The following PITPNC1 variants were observed in gnomAD, a reference collection of about 807,000 sequenced individuals.
The protein encoded by PITPNC1 is cytoplasmic phosphatidylinositol transfer protein 1.
In PITPNC1, 18 loss-of-function variants were observed where a neutral mutation model predicts 44.7. The ratio of observed to expected loss-of-function variants is 0.40; its 90% CI spans 0.28 to 0.60. The LOEUF (loss-of-function observed/expected upper bound fraction) is 0.60, where lower values mean the gene tolerates loss of function less well. Among genes scored for constraint, PITPNC1 ranks in the 20% least tolerant of loss-of-function variants. The pLI is 0.39. For synonymous variants in PITPNC1, 141 were observed against 149.6 expected (o/e 0.94, Z 0.42); for missense variants, 290 against 418.4 (o/e 0.69, Z 2.68).
chr17:67,593,127 C>A (rs966080667), intron 5 of PITPNC1, among the ~76,000 whole-genome samples: 18 of 152,112 alleles, frequency 1.2e-4, no homozygotes, highest in Non-Finnish European at 2.4e-4. Flanking sequence ...ACCATGGAAA[C>A]CATTAAAATC....
At chr17:67,387,020 A>AAT (rs2038064606) in intron 1 of PITPNC1, among the ~76,000 whole-genome samples, 1 of 152,250 alleles carries the variant, frequency 6.6e-6, no homozygotes, top group Non-Finnish European at 1.5e-5. Flanking sequence ...CGGACAAACC[A>AAT]ATCGTATCTG....
At chr17:67,451,266 A>G (rs190026363) in intron 1 of PITPNC1, among the ~76,000 whole-genome samples, 2 of 152,138 alleles carry the variant, frequency 1.3e-5, no homozygotes, top group East Asian at 1.9e-4. Context: ...TCCTGACCTC[A>G]GGTGATCCAC....
chr17:67,555,958 A>G (rs535553218), intron 4 of PITPNC1, among the ~76,000 whole-genome samples: 38 of 152,348 alleles, frequency 2.5e-4, no homozygotes, highest in African/African-American at 8.2e-4. Flanking sequence ...TGGGGTCACA[A>G]TCTGGTTGGA....
chr17:67,546,267 ATAT>A (rs1269515619), intron 2 of PITPNC1, among the ~76,000 whole-genome samples: 2 of 134,294 alleles, frequency 1.5e-5, no homozygotes, highest in African/African-American at 5.6e-5. Context: ...TGTATATTAC[ATAT>A]TATTTATATA....
At chr17:67,564,945 G>GT (rs2040954609) in intron 4 of PITPNC1, among the ~76,000 whole-genome samples, 1 of 150,156 alleles carries the variant, frequency 6.7e-6, no homozygotes, top group South Asian at 2.1e-4. Flanking sequence ...GGGTATACTA[G>GT]TTTTTCAATG....
At chr17:67,635,137 T>C (rs1336796505) in intron 6 of PITPNC1, among the ~76,000 whole-genome samples, 1 of 152,180 alleles carries the variant, frequency 6.6e-6, no homozygotes, top group Non-Finnish European at 1.5e-5. Flanking sequence ...TAAATTATGC[T>C]TTTAAAATAT....
chr17:67,648,210 A>G (rs1402889452), intron 6 of PITPNC1, among the ~76,000 whole-genome samples: 2 of 152,200 alleles, frequency 1.3e-5, no homozygotes, highest in African/African-American at 4.8e-5. Flanking sequence ...GCATGCTGCA[A>G]CTCATCGAGA....
At chr17:67,447,540 T>A (rs1184844821) in intron 1 of PITPNC1, among the ~76,000 whole-genome samples, 2 of 151,612 alleles carry the variant, frequency 1.3e-5, no homozygotes, top group African/African-American at 2.4e-5. Context: ...AATTTTAAAA[T>A]TTTTTTGTAG....
chr17:67,522,364 C>T (rs1471551930), intron 1 of PITPNC1, among the ~76,000 whole-genome samples: 2 of 152,042 alleles, frequency 1.3e-5, no homozygotes, highest in African/African-American at 4.8e-5. Flanking sequence ...ACTCCCCTGG[C>T]ATGGCAGGAA....
chr17:67,583,901 G>GTT (rs2041273678), intron 5 of PITPNC1, among the ~76,000 whole-genome samples: 1 of 139,606 alleles, frequency 7.2e-6, no homozygotes, highest in East Asian at 3.0e-4. Flanking sequence ...GTGTGTTTGT[G>GTT]TGTGTGTGTG....
chr17:67,441,484 G>A (rs565161634), intron 1 of PITPNC1, among the ~76,000 whole-genome samples: 2 of 152,284 alleles, frequency 1.3e-5, no homozygotes, highest in South Asian at 4.1e-4. Context: ...GAGAAATCAC[G>A]GAAGCAAAGT....
chr17:67,667,677 A>G lies in PITPNC1; in HGVS notation c.463-1831A>G, dbSNP rs1230269772. Among the ~76,000 whole-genome samples, 3 of 151,652 alleles carry G rather than the reference A, an allele frequency of 2.0e-5. No homozygotes were observed. In the East Asian group the frequency reaches 5.8e-4, roughly 29 times the overall value. ...ATATTGGATGATTAAACTTAAAAAA[A>G]AAAAAAAACCCTTGCTGGGCACAGT... On this transcript the variant is annotated intron_variant, in intron 6 of 8. Coordinates refer to ENST00000581322, the MANE Select transcript of PITPNC1 (RefSeq NM_012417.4).
At chr17:67,470,742 C>T (rs994831161) in intron 1 of PITPNC1, among the ~76,000 whole-genome samples, 4 of 151,964 alleles carry the variant, frequency 2.6e-5, no homozygotes, top group South Asian at 2.1e-4. Context: ...ATGACAATGG[C>T]GGCTTTGTGG....
chr17:67,442,114 A>G (rs1002815925), intron 1 of PITPNC1, among the ~76,000 whole-genome samples: 2 of 148,070 alleles, frequency 1.4e-5, no homozygotes, highest in Admixed American at 6.9e-5. Flanking sequence ...AACTTTTACT[A>G]TTGCTTTAGG....
intron 6 of PITPNC1, among the ~76,000 whole-genome samples, chr17:67,641,274 C>T (rs926578744): frequency 1.3e-5 from 2 of 152,180 alleles, no homozygotes; most frequent in African/African-American, 4.8e-5. Context: ...AAAATTCCGA[C>T]ATGATACAAA....
intron 1 of PITPNC1, among the ~76,000 whole-genome samples, chr17:67,521,718 G>A (rs558012467): frequency 1.3e-5 from 2 of 152,258 alleles, no homozygotes; most frequent in East Asian, 1.9e-4. Flanking sequence ...AAAAATACAC[G>A]CTGCTTTCCC....
chr17:67,621,085 G>A (rs530031884), intron 5 of PITPNC1, among the ~76,000 whole-genome samples: 1 of 152,092 alleles, frequency 6.6e-6, no homozygotes, highest in South Asian at 2.1e-4. Flanking sequence ...CACCCCTGCT[G>A]GCCAAATAAT....
At chr17:67,651,035 A>G (rs997424028) in intron 6 of PITPNC1, among the ~76,000 whole-genome samples, 2 of 152,228 alleles carry the variant, frequency 1.3e-5, no homozygotes, top group Admixed American at 6.5e-5. Flanking sequence ...AATGCTTTAA[A>G]AATAGCACTT....
At chr17:67,510,827 C>T (rs774218578) in intron 1 of PITPNC1, among the ~76,000 whole-genome samples, 1 of 152,042 alleles carries the variant, frequency 6.6e-6, no homozygotes, top group Non-Finnish European at 1.5e-5. Context: ...CTCCCGGGTC[C>T]CATCCTCATT....
Sources: allele counts gnomAD v4.1 joint callset (sites outside exome capture counted in the v4.1 genomes callset), GRCh38; gene constraint gnomAD v4.1.1; transcripts MANE v1.5; gene names NCBI Gene and HGNC (gene_info 2026-07-23, HGNC 2026-07-21).